The following JAKMIP3 variants were observed in gnomAD, a reference collection of about 807,000 sequenced individuals.
The protein encoded by JAKMIP3 is janus kinase and microtubule-interacting protein 3.
In JAKMIP3, 58 loss-of-function variants were observed where a neutral mutation model predicts 118.5. The ratio of observed to expected loss-of-function variants is 0.49; its 90% confidence interval spans 0.40 to 0.61. The LOEUF is 0.61. Among genes scored for constraint, JAKMIP3 ranks in the 20% least tolerant of loss-of-function variants. The pLI, the probability that JAKMIP3 is intolerant of heterozygous loss-of-function variation, is 0.00. For synonymous variants in JAKMIP3, 486 were observed against 451.2 expected (o/e 1.08, Z -0.98); for missense variants, 950 against 1,109.0 (o/e 0.86, Z 2.04).
upstream of JAKMIP3, among the ~76,000 whole-genome samples, chr10:132,062,858 C>T (rs116613329): frequency 5.3e-4 from 80 of 152,140 alleles, no homozygotes; most frequent in African/African-American, 1.8e-3. Context: ...GCCTGGAAGG[C>T]GCAGGCCTGT....
intron 1 of JAKMIP3, among the ~76,000 whole-genome samples, chr10:132,066,580 T>C (rs914544974): frequency 1.3e-5 from 2 of 152,226 alleles, no homozygotes; most frequent in African/African-American, 4.8e-5. Context: ...GTCATCTTTA[T>C]GGCTTGAGGC....
chr10:132,068,131 G>C (rs2039207450), intron 1 of JAKMIP3, among the ~76,000 whole-genome samples: 2 of 145,330 alleles, frequency 1.4e-5, no homozygotes, highest in African/African-American at 5.1e-5. Flanking sequence ...GCTTCCGTGT[G>C]GACTGGACTG....
rs1357363751 is a variant in JAKMIP3 at position 132,137,094 on chromosome 10, G to T, written c.1192G>T (p.Asp398Tyr). Residue 398 changes from aspartate to tyrosine, a missense_variant, in exon 7 of 24, where the codon GAT (aspartate) becomes TAT (tyrosine). Asp to Tyr is a radical substitution (Grantham distance 160). Transcript: ENST00000684848. ...TCAAAGTCAGGATGAGAGAGAAGTCGATTTCTTGAAGCTTCAGATTGTGGA... is the reference window on the plus strand; with the variant it reads ...TCAAAGTCAGGATGAGAGAGAAGTCTATTTCTTGAAGCTTCAGATTGTGGA... ...LDQSQDEREV[D>Y]FLKLQIVEQQ... is the part of the protein sequence containing the mutation. 1 of 1,613,900 alleles carries T rather than the reference G, an allele frequency of 6.2e-7. No homozygotes were observed. The highest frequency in any genetic ancestry group is 1.7e-5 in the Admixed American group (1 of 60,024).
At chr10:132,152,677 G>GCGCATA (rs1564970598) in intron 16 of JAKMIP3, among the ~76,000 whole-genome samples, 1 of 152,212 alleles carries the variant, frequency 6.6e-6, no homozygotes, top group Non-Finnish European at 1.5e-5. Flanking sequence ...GCATTGAGCA[G>GCGCATA]CGCATACGCA....
intron 13 of JAKMIP3, among the ~76,000 whole-genome samples, chr10:132,147,413 G>C (rs983376993): frequency 6.6e-6 from 1 of 152,234 alleles, no homozygotes; most frequent in African/African-American, 2.4e-5. Context: ...CGGTTTACTC[G>C]TAACTGGTTC....
rs1024384687 is a variant in JAKMIP3, at chr10:132,116,975, G to T, written c.136-102G>T. The T allele has an allele frequency of 9.4e-6, 12 of 1,278,602 alleles. No individual in the cohort carries two copies. In the Admixed American group the frequency reaches 1.2e-4, roughly 13 times the overall value. 79.2% of individuals were successfully genotyped at this position (1,278,602 alleles called of 1,614,324 possible). The stretch of plus-strand genomic sequence containing the variant: ...GCTCCCCTTGAATACACATTCAGGT[G>T]TGAGTGTGTGCAACGTGGAAGCTCC... On this transcript the variant is annotated intron_variant, in intron 2 of 23. Coordinates refer to ENST00000684848, the MANE Select transcript of JAKMIP3 (RefSeq NM_001323087.2).
At chr10:132,111,541 G>C (rs2046878636) in intron 2 of JAKMIP3, among the ~76,000 whole-genome samples, 1 of 152,130 alleles carries the variant, frequency 6.6e-6, no homozygotes. Flanking sequence ...GGCCATGCGG[G>C]TGTGGGGCAG....
chr10:132,112,187 C>T lies in JAKMIP3; in HGVS notation c.136-4890C>T, dbSNP rs377228172. Among the ~76,000 whole-genome samples, 69 of 152,210 alleles carry T rather than the reference C, an allele frequency of 4.5e-4. No homozygotes were observed. Among genetic ancestry groups the T allele is most frequent in the African/African-American group, 1.5e-3 (62 of 41,526 alleles). On this transcript the variant is annotated intron_variant, in intron 2 of 23. Coordinates refer to ENST00000684848, the MANE Select transcript of JAKMIP3 (RefSeq NM_001323087.2). The surrounding 1 kb of genome is among the most constrained non-coding windows in gnomAD (Gnocchi z 4.3). ...AAGGACTCTGCGTGAGACAGGACAC[C>T]GTGGAGCCTCACACCAACATCCAGG...
intron 11 of JAKMIP3, 63 bp from the exon 12 acceptor site, chr10:132,145,044 T>G: frequency 7.4e-7 from 1 of 1,357,636 alleles, no homozygotes; most frequent in Non-Finnish European, 1.0e-6. Flanking sequence ...GTCCCACGAG[T>G]GTGTGTGCTG....
chr10:132,096,976 A>G (rs2043955352), intron 1 of JAKMIP3, among the ~76,000 whole-genome samples: 1 of 152,230 alleles, frequency 6.6e-6, no homozygotes, highest in South Asian at 2.1e-4. Context: ...GCAGCCTCAC[A>G]GCAGACATTT....
In JAKMIP3 at chr10:132,116,853, A is replaced by G. The variant is rs574067977; in HGVS notation, c.136-224A>G. 3.6e-3 allele frequency among the ~76,000 whole-genome samples: 466 copies of G among 127,836 alleles called. 2 individuals are homozygous for G. Among genetic ancestry groups the G allele is most frequent in the African/African-American group, 0.014 (422 of 30,886 alleles). The allele number at this position is 127,836 out of a possible 152,430, so 83.9% of individuals were successfully genotyped here. A position where few individuals can be genotyped will look rare whatever the true frequency, so the allele number is the denominator to read the frequency against. ...ACATTCAGGTGTGAGTGTGTGCATCATGGACGCTCCCCCCGAATACACATT... is the reference window on the plus strand; with the variant it reads ...ACATTCAGGTGTGAGTGTGTGCATCGTGGACGCTCCCCCCGAATACACATT... On this transcript the variant is annotated intron_variant, in intron 2 of 23. Coordinates refer to ENST00000684848, the MANE Select transcript of JAKMIP3 (RefSeq NM_001323087.2).
Position 132,168,410 on chromosome 10 carries a change from G to T in JAKMIP3, c.*480G>T. The T allele has an allele frequency of 1.6e-6, 2 of 1,289,094 alleles. No individual in the cohort carries two copies. The highest frequency in any genetic ancestry group is 2.0e-6 in the Non-Finnish European group (2 of 988,488). The allele number at this position is 1,289,094 out of a possible 1,614,324, so 79.9% of individuals were successfully genotyped here. A position where few individuals can be genotyped will look rare whatever the true frequency, so the allele number is the denominator to read the frequency against. The stretch of plus-strand genomic sequence containing the variant: ...TTGGCCTGATGACAAGATGAAAGCT[G>T]GACGGTGACCTTCATTCAGGGGAAC... On this transcript the variant is annotated 3_prime_UTR_variant, in exon 23 of 24. Transcript: ENST00000684848.
At position 132,167,885 on chromosome 10, in the gene JAKMIP3, G is replaced by GC. The variant is rs1564995903; in HGVS notation, c.*23-65dup. ...CTCGGCCCTCGCCCCTCGCCCCTCG[G>GC]CCCTCGCCCCTCACTCCAGCCAAGC... is the stretch of plus-strand genomic sequence containing the variant. On this transcript the variant is annotated intron_variant, in intron 22 of 23. Transcript: ENST00000684848. 4.5e-5 allele frequency: 31 copies of GC among 693,698 alleles called. No homozygotes were observed. The East Asian group carries it at 1.4e-3, about 31-fold the overall frequency. The allele number at this position is 693,698 out of a possible 1,614,324, so 43.0% of individuals were successfully genotyped here.
intron 2 of JAKMIP3, among the ~76,000 whole-genome samples, chr10:132,115,293 C>T (rs982911057): frequency 9.7e-5 from 14 of 144,760 alleles, no homozygotes; most frequent in Admixed American, 5.4e-4. Flanking sequence ...GTCACCCTGG[C>T]GGGGCACTGA....
At chr10:132,141,262 C>A (rs188548572) in intron 10 of JAKMIP3, among the ~76,000 whole-genome samples, 14 of 152,312 alleles carry the variant, frequency 9.2e-5, no homozygotes, top group Admixed American at 7.2e-4. Context: ...CTCACAGCCT[C>A]AGGTGCAGGG....
At chr10:132,050,935 T>C (rs1349051081) in intron 1 of JAKMIP3, among the ~76,000 whole-genome samples, 1 of 151,438 alleles carries the variant, frequency 6.6e-6, no homozygotes, top group African/African-American at 2.4e-5. Context: ...CCAGCCGTTC[T>C]GGTGAGTGGG....
intron 1 of JAKMIP3, among the ~76,000 whole-genome samples, chr10:132,072,247 C>G (rs1043413290): frequency 2.0e-5 from 3 of 152,034 alleles, no homozygotes; most frequent in Non-Finnish European, 4.4e-5. Flanking sequence ...AGATTCTCGC[C>G]TTTTTAAAAC....
At chr10:132,141,060 C>T (rs907673793) in intron 10 of JAKMIP3, among the ~76,000 whole-genome samples, 5 of 152,340 alleles carry the variant, frequency 3.3e-5, no homozygotes, top group South Asian at 2.1e-4. Context: ...TCCAGAAGGA[C>T]GGCTACCCTC....
At chr10:132,166,587 C>T (rs2058926677) in intron 21 of JAKMIP3, among the ~76,000 whole-genome samples, 1 of 152,212 alleles carries the variant, frequency 6.6e-6, no homozygotes, top group Non-Finnish European at 1.5e-5. Flanking sequence ...ATACAACGTT[C>T]ACCATTATTA....
Sources: allele counts gnomAD v4.1 joint callset (sites outside exome capture counted in the v4.1 genomes callset), GRCh38; gene constraint gnomAD v4.1.1; non-coding constraint Gnocchi (gnomAD v3.1); transcripts MANE v1.5; gene names NCBI Gene and HGNC (gene_info 2026-07-23, HGNC 2026-07-21).